ANPEP: variants seen among roughly 807,000 people sequenced by gnomAD.
The protein encoded by ANPEP is alanyl aminopeptidase, membrane.
In ANPEP, 70 loss-of-function variants were observed where a neutral mutation model predicts 114.6. The observed-to-expected ratio is 0.61, with a 90% CI of 0.50 to 0.75. The LOEUF is 0.75. Among genes scored for constraint, ANPEP ranks in the 30% least tolerant of loss-of-function variants. The probability of loss-of-function intolerance (pLI) is 0.00; values close to 1 mark genes in which losing one functional copy is unlikely to be tolerated. For synonymous variants in ANPEP, 548 were observed against 522.3 expected, an observed-to-expected ratio of 1.05 and a Z score of -0.67; for missense variants, 1,184 against 1,259.5, an observed-to-expected ratio of 0.94 and a Z score of 0.91.
chr15:89,792,020 C>T (rs16943590), intron 18 of ANPEP, 140 bp downstream of exon 18: 297,068 of 1,002,180 alleles, frequency 0.3, 45,344 homozygotes, highest in African/African-American at 0.35. Flanking sequence ...CCAGTCTGCA[C>T]CGGTTACTTT....
chr15:89,796,663 AT>A (rs11419701), intron 15 of ANPEP, among the ~76,000 whole-genome samples: 350 of 138,466 alleles, frequency 2.5e-3, no homozygotes, highest in South Asian at 2.5e-3. Flanking sequence ...AATTTTTTGT[AT>A]TTTTTTTTTT....
rs148796695 is a variant in ANPEP, at chr15:89,806,012, G to T, written c.572C>A (p.Ala191Glu). The T allele has an allele frequency of 1.9e-5, 31 of 1,607,918 alleles. No homozygotes were observed. The highest frequency in any genetic ancestry group is 2.4e-5 in the Non-Finnish European group (28 of 1,175,534). ...EFEGELADDL[A>E]GFYRSEYMEG... ...CATGTACTCGCTGCGGTAGAAGCCC[G>T]CCAGGTCATCTGCCAACTCCCCCTC... The change falls in exon 2 of 21, where the codon GCG becomes GAG. Residue 191 changes from alanine to glutamate, a missense_variant. Physicochemically the swap from Ala to Glu is moderately radical, Grantham distance 107. Coordinates refer to ENST00000300060, the MANE Select transcript of ANPEP (RefSeq NM_001150.3). The surrounding 1 kb of genome is among the most constrained non-coding windows in gnomAD (Gnocchi z 5.7).
intron 14 of ANPEP, among the ~76,000 whole-genome samples, chr15:89,798,890 G>C (rs1894527700): frequency 6.6e-6 from 1 of 152,244 alleles, no homozygotes; most frequent in Non-Finnish European, 1.5e-5. Context: ...AGTGAGCTGA[G>C]ATCGCGCCAC....
Position 89,792,335 on chromosome 15 carries a change from G to A in ANPEP, c.2361-8C>T. On this transcript the variant is annotated splice_polypyrimidine_tract_variant and splice_region_variant and intron_variant, in intron 17 of 20. Transcript: ENST00000300060. ...CGCAGGTTGGGGTGGATCCTGGTGT[G>A]GGGTAGGGAGGTCAGGTGTGGAACA... is the stretch of plus-strand genomic sequence containing the variant. 1 of 1,614,044 alleles carries A rather than the reference G, an allele frequency of 6.2e-7. No individual in the cohort carries two copies. Among genetic ancestry groups the A allele is most frequent in the Non-Finnish European group, 8.5e-7 (1 of 1,179,900 alleles).
chr15:89,813,451 G>A (rs1596174233), intron 1 of ANPEP, among the ~76,000 whole-genome samples: 1 of 152,328 alleles, frequency 6.6e-6, no homozygotes, highest in East Asian at 1.9e-4. Context: ...TCAAGACACT[G>A]GGCCGGTTTC....
intron 15 of ANPEP, among the ~76,000 whole-genome samples, chr15:89,795,189 C>G (rs1265434010): frequency 6.6e-6 from 1 of 150,820 alleles, no homozygotes; most frequent in East Asian, 1.9e-4. Context: ...TCAGAAAGAA[C>G]ACTTGGAAAT....
intron 6 of ANPEP, 81 bp downstream of exon 6, chr15:89,804,172 C>G: frequency 1.3e-6 from 2 of 1,591,794 alleles, no homozygotes; most frequent in Admixed American, 1.7e-5. Flanking sequence ...TTCTCAGCAG[C>G]CCGGGGCAGA....
At position 89,799,407 on chromosome 15, in the gene ANPEP, A is replaced by G; in HGVS notation, c.1953+19T>C. 6.2e-7 allele frequency: 1 copy of G among 1,613,994 alleles called. No individual in the cohort carries two copies. Among genetic ancestry groups the G allele is most frequent in the Non-Finnish European group, 8.5e-7 (1 of 1,179,976 alleles). On this transcript the variant is annotated intron_variant, in intron 13 of 20. Coordinates refer to ENST00000300060, the MANE Select transcript of ANPEP (RefSeq NM_001150.3). This position sits in a 1 kb window ranked among gnomAD's most constrained non-coding sequence, Gnocchi z 4.2. ...CTGTCCTGGGGCAGGGGGCAGGGCG[A>G]GGGGTGGCAGACACTCACCGAGTGG...
chr15:89,801,799 C>A (rs894246674), intron 10 of ANPEP, among the ~76,000 whole-genome samples, 192 bp from the exon 11 acceptor site: 1 of 152,204 alleles, frequency 6.6e-6, no homozygotes, highest in Admixed American at 6.5e-5. Flanking sequence ...CAGTGCTGGA[C>A]GAGCTGGAGA....
Position 89,792,649 on chromosome 15 carries a change from T to C in ANPEP, c.2250-87A>G. Reference sequence around the variant, plus strand: ...GACACACAACCCCAGGCCGGCACCCTGCCTAAGGCTCTGTGGCCTAACTGG... The same window carrying C: ...GACACACAACCCCAGGCCGGCACCCCGCCTAAGGCTCTGTGGCCTAACTGG... On this transcript the variant is annotated intron_variant, in intron 16 of 20. Coordinates refer to ENST00000300060, the MANE Select transcript of ANPEP (RefSeq NM_001150.3). 4 of 1,187,878 alleles carry C rather than the reference T, an allele frequency of 3.4e-6. No individual in the cohort carries two copies. The South Asian group carries it at 5.1e-5, about 15-fold the overall frequency. The allele number at this position is 1,187,878 out of a possible 1,614,324, so 73.6% of individuals were successfully genotyped here.
At position 89,806,478 on chromosome 15, in the gene ANPEP, C is replaced by T; in HGVS notation, c.106G>A (p.Glu36Lys). 3 of 1,614,036 alleles carry T rather than the reference C, an allele frequency of 1.9e-6. No homozygotes were observed. The highest frequency in any genetic ancestry group is 2.5e-6 in the Non-Finnish European group (3 of 1,179,954). Residue 36 changes from glutamate to lysine, a missense_variant, in exon 2 of 21, where the codon GAG becomes AAG. Glu to Lys is a moderately conservative substitution (Grantham distance 56, BLOSUM62 1). Coordinates refer to ENST00000300060, the MANE Select transcript of ANPEP (RefSeq NM_001150.3). The surrounding 1 kb of genome is among the most constrained non-coding windows in gnomAD (Gnocchi z 5.7). ...GAGCTGTTGGCGTTCTTGTTCTTCT[C>T]CTGGGAGTACACCACTGACAGTGCG... ...IIALSVVYSQ[E>K]KNKNANSSPV...
intron 12 of ANPEP, among the ~76,000 whole-genome samples, chr15:89,800,793 C>T (rs926170144): frequency 2.0e-5 from 3 of 151,850 alleles, no homozygotes; most frequent in Non-Finnish European, 4.4e-5. Context: ...ACTCCTGACC[C>T]CAGGTCGCCT....
Position 89,803,578 on chromosome 15 carries a change from C to A in ANPEP, c.1437+69G>T. ...CAGGACCCTGTGCCCCCAGACCCTG[C>A]CTTCAGTGAGGCCCCTCCAGGCCAA... is the stretch of plus-strand genomic sequence containing the variant. On this transcript the variant is annotated intron_variant, in intron 8 of 20. Transcript: ENST00000300060. This position sits in a 1 kb window ranked among gnomAD's most constrained non-coding sequence, Gnocchi z 4.2. 6.2e-7 allele frequency: 1 copy of A among 1,601,266 alleles called. No homozygotes were observed. The highest frequency in any genetic ancestry group is 8.5e-7 in the Non-Finnish European group (1 of 1,174,502).
intron 4 of ANPEP, 185 bp from the exon 5 acceptor site, chr15:89,804,802 T>G: frequency 1.1e-6 from 1 of 899,728 alleles, no homozygotes; most frequent in South Asian, 1.7e-5. Context: ...CTGTGGGTCC[T>G]AGAGAAGGGC....
intron 20 of ANPEP, among the ~76,000 whole-genome samples, chr15:89,790,058 C>CAAAAAAAAAAAAAAAAAA (rs563239419): frequency 9.0e-6 from 1 of 110,662 alleles, no homozygotes; most frequent in African/African-American, 3.7e-5. Flanking sequence ...GACTCCATCT[C>CAAAAAAAAAAAAAAAAAA]AAAAAAAAAA....
chr15:89,793,677 T>A (rs1025991153), intron 15 of ANPEP, among the ~76,000 whole-genome samples: 7 of 126,392 alleles, frequency 5.5e-5, no homozygotes, highest in African/African-American at 2.2e-4. Context: ...CACTCCAGCC[T>A]GGGTAACAGA....
Position 89,799,637 on chromosome 15 carries a change from G to A in ANPEP, c.1820-78C>T, listed in dbSNP as rs1272367806. ...CCCTGGACCTCTTGCAAGAGCAGCTGCCCCCGCAGCCTGGCACCACCTCAC... is the reference window on the plus strand; with the variant it reads ...CCCTGGACCTCTTGCAAGAGCAGCTACCCCCGCAGCCTGGCACCACCTCAC... On this transcript the variant is annotated intron_variant, in intron 12 of 20. Coordinates refer to ENST00000300060, the MANE Select transcript of ANPEP (RefSeq NM_001150.3). This position sits in a 1 kb window ranked among gnomAD's most constrained non-coding sequence, Gnocchi z 4.2. 14 of 1,591,440 alleles carry A rather than the reference G, an allele frequency of 8.8e-6. No homozygotes were observed. The highest frequency in any genetic ancestry group is 1.7e-4 in the Middle Eastern group (1 of 5,818).
chr15:89,796,952 C>T (rs1239279535), intron 15 of ANPEP, among the ~76,000 whole-genome samples: 1 of 152,188 alleles, frequency 6.6e-6, no homozygotes, highest in Non-Finnish European at 1.5e-5. Flanking sequence ...CTTTTATAAA[C>T]TGCTGCAGTG....
intron 20 of ANPEP, among the ~76,000 whole-genome samples, chr15:89,787,858 C>T (rs1338626101): frequency 6.6e-6 from 1 of 152,118 alleles, no homozygotes; most frequent in Non-Finnish European, 1.5e-5. Context: ...GTGTATAAGG[C>T]CAATAAGCAC....
Sources: allele counts gnomAD v4.1 joint callset (sites outside exome capture counted in the v4.1 genomes callset), GRCh38; gene constraint gnomAD v4.1.1; non-coding constraint Gnocchi (gnomAD v3.1); transcripts MANE v1.5; gene names NCBI Gene and HGNC (gene_info 2026-07-23, HGNC 2026-07-21).